Variants in SEMA3E observed in about 807,000 individuals in gnomAD.
SEMA3E encodes semaphorin 3E, also known as semaphorin-3E.
A neutral mutation model predicts 93.6 loss-of-function variants in SEMA3E; 49 were observed. The ratio of observed to expected loss-of-function variants is 0.52; its 90% confidence interval spans 0.42 to 0.66. The LOEUF is 0.66. Among genes scored for constraint, SEMA3E ranks in the 30% least tolerant of loss-of-function variants. The pLI, the probability that SEMA3E is intolerant of heterozygous loss-of-function variation, is 0.00. For missense variants in SEMA3E, 906 were observed against 964.8 expected (o/e 0.94, Z 0.81); for synonymous variants, 363 against 330.7 (o/e 1.10, Z -1.06).
chr7:83,487,686 T>TGTGTGTGA (rs1554331937), intron 2 of SEMA3E, among the ~76,000 whole-genome samples: 1,694 of 59,442 alleles, frequency 0.028, 33 homozygotes, highest in African/African-American at 0.096. Context: ...GGAGGTCGTG[T>TGTGTGTGA]GTGTGTGTGT....
At position 83,464,806 on chromosome 7, in the gene SEMA3E, G is replaced by A. The variant is rs866140965; in HGVS notation, c.456+1676C>T. Among the ~76,000 whole-genome samples, 9 of 144,858 alleles carry A rather than the reference G, an allele frequency of 6.2e-5. No homozygotes were observed. In the South Asian group the frequency reaches 1.2e-3, roughly 19 times the overall value. ...CTCTCCCACTCTAGGTTCCCACGCC[G>A]CCCCTAATCCTGCTTGAAGCAGCCC... On this transcript the variant is annotated intron_variant, in intron 4 of 16. Coordinates refer to ENST00000643230, the MANE Select transcript of SEMA3E (RefSeq NM_012431.3).
chr7:83,389,596 CATAT>C (rs923956892), intron 14 of SEMA3E, among the ~76,000 whole-genome samples: 16 of 146,860 alleles, frequency 1.1e-4, no homozygotes, highest in African/African-American at 4.0e-4. Context: ...TACATACACA[CATAT>C]ATACACGTAT....
chr7:83,392,681 A>T lies in SEMA3E; in HGVS notation c.1541T>A (p.Val514Asp). The change falls in exon 14 of 17, where the codon GTC becomes GAC. Residue 514 changes from valine (V) to aspartate (D), a missense_variant. Val to Asp is a radical substitution (Grantham distance 152, BLOSUM62 -3). Transcript: ENST00000643230. Reference protein sequence around the residue: ...YIGSASAVAQVRFHHCDMYGS... With the variant: ...YIGSASAVAQDRFHHCDMYGS... ...ATACATGTCACAGTGATGGAATCTG[A>T]CTTGAGCCACAGCAGAAGCAGATCC... 1 of 1,613,902 alleles carries T rather than the reference A, an allele frequency of 6.2e-7. No individual in the cohort carries two copies.
chr7:83,390,862 A>T (rs1788005276), intron 14 of SEMA3E, among the ~76,000 whole-genome samples: 1 of 152,162 alleles, frequency 6.6e-6, no homozygotes, highest in East Asian at 1.9e-4. Flanking sequence ...CATCTACTGT[A>T]TTAACAAGCT....
chr7:83,606,381 G>C (rs1380197077), intron 1 of SEMA3E, among the ~76,000 whole-genome samples: 9 of 151,840 alleles, frequency 5.9e-5, no homozygotes, highest in Admixed American at 5.9e-4. Flanking sequence ...AACAATGATA[G>C]ACTGGATTAA....
chr7:83,555,680 A>G (rs1791872457), intron 1 of SEMA3E, among the ~76,000 whole-genome samples: 1 of 152,202 alleles, frequency 6.6e-6, no homozygotes, highest in Non-Finnish European at 1.5e-5. Context: ...GAAATGCTCC[A>G]GCTTAATTCT....
intron 1 of SEMA3E, among the ~76,000 whole-genome samples, chr7:83,603,483 G>A (rs1584358315): frequency 6.6e-6 from 1 of 152,032 alleles, no homozygotes; most frequent in East Asian, 1.9e-4. Context: ...GATTAACAAA[G>A]CTAATACTAC....
At chr7:83,488,075 G>A (rs1324907215) in intron 2 of SEMA3E, among the ~76,000 whole-genome samples, 1 of 151,816 alleles carries the variant, frequency 6.6e-6, no homozygotes, top group Non-Finnish European at 1.5e-5. Context: ...TCATAAAAAA[G>A]ACTCCAGAAA....
At chr7:83,648,025 C>T (rs546666066) in intron 1 of SEMA3E, among the ~76,000 whole-genome samples, 1 of 152,186 alleles carries the variant, frequency 6.6e-6, no homozygotes, top group Admixed American at 6.5e-5. Flanking sequence ...TTTCTATAGC[C>T]CTTTCCCAGC....
chr7:83,505,565 A>G (rs1467546564), intron 1 of SEMA3E, among the ~76,000 whole-genome samples: 1 of 152,190 alleles, frequency 6.6e-6, no homozygotes, highest in Non-Finnish European at 1.5e-5. Context: ...CTCACTTCAT[A>G]AACTATTGTC....
At position 83,363,928 on chromosome 7, in the gene SEMA3E, C is replaced by CCCAG. The variant is rs1156281342; in HGVS notation, c.*3654_*3657dup. On this transcript the variant is annotated 3_prime_UTR_variant, in exon 17 of 17. Coordinates refer to ENST00000643230, the MANE Select transcript of SEMA3E (RefSeq NM_012431.3). The stretch of plus-strand genomic sequence containing the variant: ...TTTGAGACGGAGTCTCGCTCTGTCG[C>CCCAG]CCAGGCCGGACTGCGGACTGCAGTG... The CCCAG allele has an allele frequency of 8.4e-6, 1 of 119,540 alleles. No individual in the cohort carries two copies. The highest frequency in any genetic ancestry group is 1.6e-5 in the Non-Finnish European group (1 of 62,076). The allele number at this position is 119,540 out of a possible 1,614,324, so 7.4% of individuals were successfully genotyped here. A position where few individuals can be genotyped will look rare whatever the true frequency, so the allele number is the denominator to read the frequency against.
chr7:83,488,991 G>A (rs1175957393), intron 2 of SEMA3E, among the ~76,000 whole-genome samples: 3 of 151,980 alleles, frequency 2.0e-5, no homozygotes, highest in Non-Finnish European at 4.4e-5. Flanking sequence ...AAAGAAGGAA[G>A]GAAACAAGGG....
intron 1 of SEMA3E, among the ~76,000 whole-genome samples, chr7:83,500,837 T>G (rs1790584654): frequency 6.6e-6 from 1 of 152,064 alleles, no homozygotes; most frequent in Non-Finnish European, 1.5e-5. Flanking sequence ...GTGATCCACC[T>G]GCCTCGCCCT....
At chr7:83,410,623 A>C (rs1788420408) in intron 5 of SEMA3E, among the ~76,000 whole-genome samples, 2 of 152,072 alleles carry the variant, frequency 1.3e-5, no homozygotes. Context: ...GTATTTTGAG[A>C]CCAAATGCAT....
At chr7:83,518,225 C>T (rs1584303717) in intron 1 of SEMA3E, among the ~76,000 whole-genome samples, 2 of 151,960 alleles carry the variant, frequency 1.3e-5, no homozygotes, top group Non-Finnish European at 2.9e-5. Flanking sequence ...ACAAGATGCA[C>T]ACAGAAAATT....
intron 1 of SEMA3E, among the ~76,000 whole-genome samples, chr7:83,614,325 G>A (rs1011470536): frequency 3.3e-5 from 5 of 152,046 alleles, no homozygotes; most frequent in African/African-American, 7.2e-5. Flanking sequence ...TAGTTTTCCC[G>A]TTCAAATATA....
intron 3 of SEMA3E, among the ~76,000 whole-genome samples, chr7:83,468,572 A>G (rs1403125260): frequency 6.6e-6 from 1 of 152,080 alleles, no homozygotes; most frequent in African/African-American, 2.4e-5. Flanking sequence ...TTTAACTGAA[A>G]AAAAGGTTAA....
intron 1 of SEMA3E, among the ~76,000 whole-genome samples, chr7:83,574,783 C>A (rs1792365862): frequency 1.3e-5 from 2 of 152,222 alleles, no homozygotes; most frequent in African/African-American, 4.8e-5. Context: ...TATCTGCCAA[C>A]AGCTAGACAC....
chr7:83,554,977 A>AAAATAAATAAATAAATAAATAAATAAAT (rs750652810), intron 1 of SEMA3E, among the ~76,000 whole-genome samples: 2,665 of 144,378 alleles, frequency 0.018, 49 homozygotes, highest in East Asian at 0.073. Context: ...ACTCCGTCTC[A>AAAATAAATAAATAAATAAATAAATAAAT]AAATAAATAA....
Sources: gnomAD v4.1 joint callset for allele counts (sites outside exome capture counted in the v4.1 genomes callset) on GRCh38, gnomAD v4.1.1 for gene constraint, MANE v1.5 for transcripts, NCBI Gene and HGNC (gene_info 2026-07-23, HGNC 2026-07-21) for gene names.